Variants in XRCC1 observed in about 807,000 individuals in gnomAD.
The protein encoded by XRCC1 is X-ray repair cross complementing 1.
Under a neutral mutation model 83.3 loss-of-function variants are expected in XRCC1, and 52 were observed. The observed-to-expected ratio is 0.62, with a 90% CI of 0.50 to 0.79. The LOEUF is 0.79. XRCC1 is among the 30% of genes least tolerant of loss of function. The pLI, the probability that XRCC1 is intolerant of heterozygous loss-of-function variation, is 0.00. For synonymous variants in XRCC1, 281 were observed against 312.6 expected (o/e 0.90, Z 1.07); for missense variants, 793 against 823.5 (o/e 0.96, Z 0.45).
intron 2 of XRCC1, among the ~76,000 whole-genome samples, chr19:43,568,803 G>A (rs1427115773): frequency 2.0e-5 from 3 of 151,964 alleles, no homozygotes; most frequent in African/African-American, 7.3e-5. Flanking sequence ...TGGAAAGGGT[G>A]AGGGGAGATT....
chr19:43,552,121 C>T lies in XRCC1; in HGVS notation c.978G>A (p.Val326=). Residue 326 remains valine, a synonymous_variant, in exon 9 of 17, where the codon GTG becomes GTA. Coordinates refer to ENST00000262887, the MANE Select transcript of XRCC1 (RefSeq NM_006297.3). ...GGAAGGGGTTCTGGAAGCCACTCAGCACCACTACCACACCCTGAAGGATCT... is the reference window on the plus strand; with the variant it reads ...GGAAGGGGTTCTGGAAGCCACTCAGTACCACTACCACACCCTGAAGGATCT... The part of the protein sequence containing the change: ...LGKILQGVVV[V]LSGFQNPFRS... The T allele has an allele frequency of 1.2e-6, 2 of 1,614,116 alleles. No homozygotes were observed. The highest frequency in any genetic ancestry group is 1.7e-6 in the Non-Finnish European group (2 of 1,180,000).
intron 2 of XRCC1, among the ~76,000 whole-genome samples, chr19:43,573,717 CA>C (rs958310927): frequency 6.6e-6 from 1 of 151,072 alleles, no homozygotes; most frequent in South Asian, 2.1e-4. Context: ...TAAAAAAATA[CA>C]AAAAAAACTA....
At chr19:43,565,201 G>A (rs751542911) in intron 2 of XRCC1, among the ~76,000 whole-genome samples, 2 of 152,070 alleles carry the variant, frequency 1.3e-5, no homozygotes, top group Non-Finnish European at 2.9e-5. Context: ...ATATTTCCAG[G>A]TTCTGGGGAT....
chr19:43,569,594 C>A (rs1972788103), intron 2 of XRCC1, among the ~76,000 whole-genome samples: 1 of 151,960 alleles, frequency 6.6e-6, no homozygotes, highest in Non-Finnish European at 1.5e-5. Context: ...ACCAGCCTGA[C>A]CAACATGGTG....
intron 2 of XRCC1, among the ~76,000 whole-genome samples, chr19:43,566,661 T>C (rs1972756279): frequency 6.6e-6 from 1 of 151,548 alleles, no homozygotes; most frequent in South Asian, 2.1e-4. Flanking sequence ...GGTGGATTTC[T>C]TGAGCCCAGG....
intron 6 of XRCC1, 90 bp downstream of exon 6, chr19:43,553,311 A>G (rs1600049249): frequency 1.4e-6 from 2 of 1,446,616 alleles, no homozygotes; most frequent in East Asian, 4.7e-5. Context: ...CCTCAGACCC[A>G]GGAATCTGAG....
At chr19:43,560,736 C>T (rs752304525) in intron 3 of XRCC1, among the ~76,000 whole-genome samples, 174 bp downstream of exon 3, 7 of 152,206 alleles carry the variant, frequency 4.6e-5, no homozygotes, top group Non-Finnish European at 1.0e-4. Context: ...TGCAGTTTAC[C>T]GCCCTGTGTC....
intron 12 of XRCC1, 39 bp from the exon 13 acceptor site, chr19:43,546,145 C>G (rs2146042544): frequency 6.2e-7 from 1 of 1,611,806 alleles, no homozygotes; most frequent in Non-Finnish European, 8.5e-7. Context: ...GCTGCCTTGT[C>G]TCCTGGGAAG....
At chr19:43,569,881 A>G (rs1972791606) in intron 2 of XRCC1, among the ~76,000 whole-genome samples, 1 of 152,262 alleles carries the variant, frequency 6.6e-6, no homozygotes. Context: ...AAAAGTTTAT[A>G]CCACACGATT....
intron 2 of XRCC1, among the ~76,000 whole-genome samples, chr19:43,565,987 G>A (rs1210846350): frequency 2.0e-5 from 3 of 152,026 alleles, no homozygotes; most frequent in African/African-American, 4.8e-5. Context: ...TGTAATCTCA[G>A]CACTTTGGGA....
Position 43,574,923 on chromosome 19 carries a change from GA to G in XRCC1, c.130del (p.Ser44LeufsTer101), listed in dbSNP as rs1384306155. The G allele has an allele frequency of 5.0e-6, 8 of 1,614,098 alleles. No homozygotes were observed. Among genetic ancestry groups the G allele is most frequent in the Non-Finnish European group, 6.8e-6 (8 of 1,179,928 alleles). Reference sequence around the variant, plus strand: ...TGGCAGGATCACCTGTAGGACCACAGAGATGGTCTTCTCGCCTGCCTTGGCT... The same window carrying G: ...TGGCAGGATCACCTGTAGGACCACAGGATGGTCTTCTCGCCTGCCTTGGCT... ...RAAKAGEKTI[S>X]VVLQLEKEEQ... On this transcript the variant is annotated frameshift_variant, in exon 2 of 17. Coordinates refer to ENST00000262887, the MANE Select transcript of XRCC1 (RefSeq NM_006297.3). LOFTEE classifies it high-confidence loss of function.
intron 10 of XRCC1, among the ~76,000 whole-genome samples, chr19:43,548,085 A>G (rs1972534111): frequency 1.0e-5 from 1 of 98,260 alleles, no homozygotes; most frequent in East Asian, 3.1e-4. Flanking sequence ...GTGGGGGGCC[A>G]GCCGCCCCAT....
rs1799782 is a variant in XRCC1, at chr19:43,553,422, G to A, written c.580C>T (p.Arg194Trp). The A allele has an allele frequency of 0.071, 115,208 of 1,613,942 alleles. 5,979 individuals carry two copies. The highest frequency in any genetic ancestry group is 0.3 in the East Asian group (13,579 of 44,850). Residue 194 changes from arginine to tryptophan, a missense_variant, in exon 6 of 17, where the codon CGG becomes TGG. Arg to Trp is a moderately radical substitution (Grantham distance 101). Transcript: ENST00000262887. ...TCACCTGGGGATGTCTTGTTGATCC[G>A]GCTGAAGAAGAGAGCCCCCGGCCTC... is the stretch of plus-strand genomic sequence containing the variant. ...SLRPGALFFS[R>W]INKTSPVTAS...
intron 13 of XRCC1, 25 bp from the exon 14 acceptor site, chr19:43,545,982 A>C (rs370735924): frequency 6.2e-7 from 1 of 1,613,610 alleles, no homozygotes; most frequent in African/African-American, 1.3e-5. Context: ...AGGAGTAGAG[A>C]GTGAGCATGC....
At chr19:43,550,908 C>CA (rs1390528631) in intron 10 of XRCC1, among the ~76,000 whole-genome samples, 20 of 152,200 alleles carry the variant, frequency 1.3e-4, no homozygotes, top group African/African-American at 4.6e-4. Context: ...GGGCAGGGCT[C>CA]AATGACTGGA....
rs868134945 is a variant in XRCC1 at position 43,553,056 on chromosome 19, C to A, written c.637G>T (p.Ala213Ser). The A allele has an allele frequency of 6.3e-7, 1 of 1,593,608 alleles. No individual in the cohort carries two copies. The highest frequency in any genetic ancestry group is 8.5e-7 in the Non-Finnish European group (1 of 1,170,262). ...ASDPAGPSYA[A>S]ATLQASSAAS... is the part of the protein sequence containing the mutation. ...GCACTAGAAGCCTGGAGGGTAGCAG[C>A]TGCATAGCTAGGTCCTGCTGGGTCG... The change falls in exon 7 of 17, where the codon GCT (alanine) becomes TCT (serine). Residue 213 changes from alanine to serine, a missense_variant. Transcript: ENST00000262887.
rs752610644 is a variant in XRCC1, at chr19:43,548,784, A to AAAAAAAAAAAAAC, written c.1200-1808_1200-1807insGTTTTTTTTTTTT. Among the ~76,000 whole-genome samples the AAAAAAAAAAAAAC allele has an allele frequency of 1.3e-3, 191 of 142,098 alleles. 7 individuals are homozygous for AAAAAAAAAAAAAC. Among genetic ancestry groups the AAAAAAAAAAAAAC allele is most frequent in the East Asian group, 6.0e-3 (27 of 4,468 alleles). 93.2% of individuals were successfully genotyped at this position (142,098 alleles called of 152,430 possible). On this transcript the variant is annotated intron_variant, in intron 10 of 16. Coordinates refer to ENST00000262887, the MANE Select transcript of XRCC1 (RefSeq NM_006297.3). ...GAATGATCAAAAAAAAAAAAAAAAA[A>AAAAAAAAAAAAAC]AACACAACAGTAGCAGGTTGACACT...
intron 10 of XRCC1, among the ~76,000 whole-genome samples, chr19:43,550,499 T>TA (rs1972564404): frequency 1.3e-5 from 2 of 152,264 alleles, no homozygotes; most frequent in South Asian, 4.1e-4. Flanking sequence ...ACAGCCTCGC[T>TA]ATCCCCCAAG....
chr19:43,552,088 C>G lies in XRCC1; in HGVS notation c.1011G>C (p.Glu337Asp), dbSNP rs986008048. 33 of 1,613,970 alleles carry G rather than the reference C, an allele frequency of 2.0e-5. No homozygotes were observed. The highest frequency in any genetic ancestry group is 2.7e-5 in the African/African-American group (2 of 74,880). The change falls in exon 9 of 17, where the codon GAG becomes GAC. Residue 337 changes from glutamate (E) to aspartate (D), a missense_variant. Transcript: ENST00000262887. ...LSGFQNPFRSELRDKALELGA... is the reference protein window; with the variant it reads ...LSGFQNPFRSDLRDKALELGA... Reference sequence around the variant, plus strand: ...CAAGCTCTAGGGCCTTATCTCGCAGCTCGGAGCGGAAGGGGTTCTGGAAGC... The same window carrying G: ...CAAGCTCTAGGGCCTTATCTCGCAGGTCGGAGCGGAAGGGGTTCTGGAAGC...
Sources: gnomAD v4.1 joint callset for allele counts (sites outside exome capture counted in the v4.1 genomes callset) on GRCh38, gnomAD v4.1.1 for gene constraint, MANE v1.5 for transcripts, NCBI Gene and HGNC (gene_info 2026-07-23, HGNC 2026-07-21) for gene names.